Variants in NRXN1 observed in about 807,000 individuals in gnomAD.
NRXN1 encodes the protein neurexin 1, also known as neurexin-1.
NRXN1 carries 39 observed loss-of-function variants against 150.9 expected under a neutral mutation model. The ratio of observed to expected loss-of-function variants is 0.26; its 90% confidence interval spans 0.20 to 0.34. The LOEUF (loss-of-function observed/expected upper bound fraction) is 0.34, where lower values mean the gene tolerates loss of function less well. Among genes scored for constraint, NRXN1 ranks in the 10% least tolerant of loss-of-function variants. The pLI is 1.00. For missense variants in NRXN1, 1,815 were observed against 1,949.9 expected, an observed-to-expected ratio of 0.93 and a Z score of 1.30; for synonymous variants, 924 against 757.0, an observed-to-expected ratio of 1.22 and a Z score of -3.62.
intron 5 of NRXN1, among the ~76,000 whole-genome samples, chr2:50,900,830 A>T (rs1267433607): frequency 6.6e-6 from 1 of 152,180 alleles, no homozygotes; most frequent in Non-Finnish European, 1.5e-5. Flanking sequence ...GAACGAGGTG[A>T]TGAGCGCTAC....
chr2:50,438,888 C>A (rs1267627591), intron 17 of NRXN1, among the ~76,000 whole-genome samples: 2 of 152,178 alleles, frequency 1.3e-5, no homozygotes, highest in African/African-American at 4.8e-5. Context: ...TCTCCTATGA[C>A]CACGATGCAT....
intron 17 of NRXN1, among the ~76,000 whole-genome samples, chr2:50,280,871 T>C (rs2071341868): frequency 6.6e-6 from 1 of 152,050 alleles, no homozygotes; most frequent in African/African-American, 2.4e-5. Context: ...TGTTGTTTTG[T>C]TTGTTTGTTT....
intron 21 of NRXN1, among the ~76,000 whole-genome samples, chr2:50,049,070 T>C (rs1692282825): frequency 6.6e-6 from 1 of 152,274 alleles, no homozygotes; most frequent in Admixed American, 6.5e-5. Context: ...GGACATAATA[T>C]GTATTATTCT....
chr2:50,042,847 G>T (rs571868988), intron 21 of NRXN1, among the ~76,000 whole-genome samples: 25 of 152,226 alleles, frequency 1.6e-4, no homozygotes, highest in African/African-American at 5.1e-4. Context: ...AACAGGTTCT[G>T]CTTGGGGTTG....
At chr2:50,548,823 G>T (rs1573499226) in intron 9 of NRXN1, among the ~76,000 whole-genome samples, 1 of 152,044 alleles carries the variant, frequency 6.6e-6, no homozygotes, top group East Asian at 1.9e-4. Flanking sequence ...GCAAATTAAT[G>T]ACCATAATGG....
chr2:50,518,958 C>G (rs992935120), intron 12 of NRXN1, among the ~76,000 whole-genome samples: 8 of 151,560 alleles, frequency 5.3e-5, no homozygotes, highest in Admixed American at 5.3e-4. Context: ...TTTATTTTTT[C>G]TTCCTTTCTT....
In NRXN1 at chr2:50,067,335, C is replaced by T. The variant is rs116722043; in HGVS notation, c.3719-12291G>A. On this transcript the variant is annotated intron_variant, in intron 19 of 22. Coordinates refer to ENST00000401669, the MANE Select transcript of NRXN1 (RefSeq NM_001330078.2). ...TACAAGCACTTGTTCCCACTAGCTACTTACATTCAAAAATTTTGGTTTGGA... is the reference window on the plus strand; with the variant it reads ...TACAAGCACTTGTTCCCACTAGCTATTTACATTCAAAAATTTTGGTTTGGA... Among the ~76,000 whole-genome samples the T allele has an allele frequency of 5.4e-3, 817 of 152,250 alleles. 10 individuals carry two copies. The highest frequency in any genetic ancestry group is 0.019 in the African/African-American group (773 of 41,534).
At chr2:50,990,654 T>C (rs1698408455) in intron 2 of NRXN1, among the ~76,000 whole-genome samples, 1 of 151,988 alleles carries the variant, frequency 6.6e-6, no homozygotes, top group Non-Finnish European at 1.5e-5. Context: ...TTTTCCAGTT[T>C]GGGTTTGGGC....
intron 5 of NRXN1, among the ~76,000 whole-genome samples, chr2:50,692,988 T>C (rs1692285926): frequency 6.6e-6 from 1 of 152,142 alleles, no homozygotes; most frequent in South Asian, 2.1e-4. Context: ...AGAGCTAAAT[T>C]ATCAGTTACT....
intron 21 of NRXN1, among the ~76,000 whole-genome samples, chr2:49,971,780 C>A (rs1246100965): frequency 6.6e-6 from 1 of 152,054 alleles, no homozygotes; most frequent in Non-Finnish European, 1.5e-5. Context: ...TGGCTTTATT[C>A]TTCAACTTTG....
At chr2:50,935,497 G>A (rs1383392468) in intron 2 of NRXN1, among the ~76,000 whole-genome samples, 1 of 152,132 alleles carries the variant, frequency 6.6e-6, no homozygotes, top group African/African-American at 2.4e-5. Context: ...CACTTCGGGA[G>A]GCCAAGGCAG....
At chr2:50,514,241 C>T (rs916511050) in intron 12 of NRXN1, among the ~76,000 whole-genome samples, 2 of 152,044 alleles carry the variant, frequency 1.3e-5, no homozygotes, top group Admixed American at 6.6e-5. Flanking sequence ...CTAGAATCAC[C>T]TTATATGTAT....
intron 17 of NRXN1, 57 bp from the exon 18 acceptor site, chr2:50,237,027 A>C (rs540943300): frequency 1.3e-6 from 2 of 1,521,242 alleles, no homozygotes; most frequent in African/African-American, 1.4e-5. Context: ...GCACATTAGC[A>C]AGGCATGTTA....
intron 17 of NRXN1, among the ~76,000 whole-genome samples, chr2:50,315,790 G>A (rs2075554756): frequency 6.6e-6 from 1 of 152,152 alleles, no homozygotes; most frequent in Admixed American, 6.6e-5. Context: ...AACCACCATA[G>A]TAATGCTTCT....
chr2:50,313,606 G>C (rs1318296496), intron 17 of NRXN1, among the ~76,000 whole-genome samples: 1 of 152,070 alleles, frequency 6.6e-6, no homozygotes, highest in African/African-American at 2.4e-5. Flanking sequence ...AGGAACCGAA[G>C]ACTTAAGCAG....
Position 50,605,800 on chromosome 2 carries a change from C to T in NRXN1, c.1320+14222G>A, listed in dbSNP as rs566439398. Among the ~76,000 whole-genome samples, 3 of 147,986 alleles carry T rather than the reference C, an allele frequency of 2.0e-5. No individual in the cohort carries two copies. In the South Asian group the frequency reaches 6.4e-4, roughly 32 times the overall value. ...GCAATCCCACTTCTGAATATTCAGC[C>T]AAAAAAAAAATGAAGTCAGAATTTT... On this transcript the variant is annotated intron_variant, in intron 8 of 22. Coordinates refer to ENST00000401669, the MANE Select transcript of NRXN1 (RefSeq NM_001330078.2).
intron 5 of NRXN1, among the ~76,000 whole-genome samples, chr2:50,720,339 T>C (rs1696475399): frequency 6.6e-6 from 1 of 152,160 alleles, no homozygotes; most frequent in South Asian, 2.1e-4. Flanking sequence ...CTCCCTCCAA[T>C]GTAAGCTACA....
intron 8 of NRXN1, among the ~76,000 whole-genome samples, chr2:50,598,297 G>C (rs1002827753): frequency 6.6e-6 from 1 of 152,022 alleles, no homozygotes; most frequent in Non-Finnish European, 1.5e-5. Context: ...GAGGGAAACA[G>C]CCCTTAGAAT....
chr2:50,599,488 T>G (rs1238965159), intron 8 of NRXN1, among the ~76,000 whole-genome samples: 1 of 152,220 alleles, frequency 6.6e-6, no homozygotes, highest in Non-Finnish European at 1.5e-5. Flanking sequence ...GAATAAATAT[T>G]CTTGCCTTGA....
Sources: gnomAD v4.1 joint callset for allele counts (sites outside exome capture counted in the v4.1 genomes callset) on GRCh38, gnomAD v4.1.1 for gene constraint, MANE v1.5 for transcripts, NCBI Gene and HGNC (gene_info 2026-07-23, HGNC 2026-07-21) for gene names.